Variants in CAMK2B observed in about 807,000 individuals in gnomAD.
CAMK2B encodes the protein calcium/calmodulin-dependent protein kinase type II subunit beta.
Under a neutral mutation model 93.7 loss-of-function variants are expected in CAMK2B, and 27 were observed. That is an observed-to-expected ratio of 0.29 (90% CI 0.21 to 0.40). The LOEUF (loss-of-function observed/expected upper bound fraction) is 0.40. Ranked by LOEUF, CAMK2B falls within the 10% of genes least tolerant of loss-of-function variation. CAMK2B has a pLI of 1.00. For synonymous variants in CAMK2B, 374 were observed against 358.8 expected (o/e 1.04, Z -0.48); for missense variants, 568 against 895.8 (o/e 0.63, Z 4.67).
chr7:44,298,848 G>T (rs144776916), intron 1 of CAMK2B, among the ~76,000 whole-genome samples: 1,555 of 151,770 alleles, frequency 0.01, 18 homozygotes, highest in Middle Eastern at 0.02. Context: ...CATCCATTAA[G>T]ATGACTATTA....
intron 5 of CAMK2B, among the ~76,000 whole-genome samples, chr7:44,252,662 C>T (rs2096791339): frequency 6.6e-6 from 1 of 152,116 alleles, no homozygotes. Flanking sequence ...CATCTGTCCA[C>T]CCCTCAGGGC....
At chr7:44,228,669 G>T in intron 19 of CAMK2B, 127 bp downstream of exon 19, 1 of 875,528 alleles carries the variant, frequency 1.1e-6, no homozygotes, top group Non-Finnish European at 1.6e-6. Context: ...GCCAGGGCAG[G>T]ACTCCAGGCT....
chr7:44,226,021 G>T, intron 20 of CAMK2B: 1 of 850,154 alleles, frequency 1.2e-6, no homozygotes, highest in Non-Finnish European at 1.6e-6. Context: ...GGCCCCAGCT[G>T]CCCCCCAGAT....
chr7:44,240,582 G>A lies in CAMK2B; in HGVS notation c.946+125C>T. On this transcript the variant is annotated intron_variant, in intron 12 of 23. Coordinates refer to ENST00000395749, the MANE Select transcript of CAMK2B (RefSeq NM_001220.5). ...GTGGGCAGTGGGTCTCAGAGCTGAGGGCAGACGCCGAGGGCAGGCCTGCCG... is the reference window on the plus strand; with the variant it reads ...GTGGGCAGTGGGTCTCAGAGCTGAGAGCAGACGCCGAGGGCAGGCCTGCCG... 3 of 1,082,636 alleles carry A rather than the reference G, an allele frequency of 2.8e-6. No individual in the cohort carries two copies. The East Asian group carries it at 7.6e-5, about 27-fold the overall frequency. The allele number at this position is 1,082,636 out of a possible 1,614,324, so 67.1% of individuals were successfully genotyped here. A position where few individuals can be genotyped will look rare whatever the true frequency, so the allele number is the denominator to read the frequency against.
chr7:44,302,831 C>T (rs1277807544), intron 1 of CAMK2B, among the ~76,000 whole-genome samples: 1 of 152,148 alleles, frequency 6.6e-6, no homozygotes, highest in Non-Finnish European at 1.5e-5. Context: ...TGGATACTTT[C>T]CACTAAGATC....
chr7:44,228,874 G>A lies in CAMK2B; in HGVS notation c.1390C>T (p.Pro464Ser), dbSNP rs753741079. 1 of 1,579,612 alleles carries A rather than the reference G, an allele frequency of 6.3e-7. No homozygotes were observed. Among genetic ancestry groups the A allele is most frequent in the South Asian group, 1.1e-5 (1 of 87,836 alleles). ...LNSVRRGSGT[P>S]EAEGPLSAGP... ...GCTGAGAGGGGGCCCTCGGCTTCTG[G>A]GGTTCCTGAACCCCTTCTCACAGAG... The change falls in exon 19 of 24, where the codon CCA becomes TCA. Residue 464 changes from proline to serine, a missense_variant. Pro to Ser is a moderately conservative substitution (Grantham distance 74, BLOSUM62 -1). Transcript: ENST00000395749.
chr7:44,277,047 C>T (rs1320229555), intron 2 of CAMK2B, among the ~76,000 whole-genome samples: 1 of 152,152 alleles, frequency 6.6e-6, no homozygotes, highest in Non-Finnish European at 1.5e-5. Flanking sequence ...CCAGGGTCAC[C>T]CCGCTGCACT....
chr7:44,291,292 C>T (rs114777532), intron 1 of CAMK2B, among the ~76,000 whole-genome samples: 1,589 of 152,184 alleles, frequency 0.01, 35 homozygotes, highest in African/African-American at 0.036. Context: ...GCAGGTGCCC[C>T]GCCAGGCAGG....
In CAMK2B at chr7:44,225,659, A is replaced by G; in HGVS notation, c.1597+857T>C. ...CTCGAGCCGCTGCTCCTGTGGGTTC[A>G]CTCTCCCCACACCCTTCTGCCCTGG... is the stretch of plus-strand genomic sequence containing the variant. On this transcript the variant is annotated intron_variant, in intron 20 of 23. Transcript: ENST00000395749. This position sits in a 1 kb window ranked among gnomAD's most constrained non-coding sequence, Gnocchi z 5.0. 9.1e-7 allele frequency: 1 copy of G among 1,099,088 alleles called. No homozygotes were observed. The highest frequency in any genetic ancestry group is 1.2e-6 in the Non-Finnish European group (1 of 820,386). 68.1% of individuals were successfully genotyped at this position (1,099,088 alleles called of 1,614,324 possible). A position where few individuals can be genotyped will look rare whatever the true frequency, so the allele number is the denominator to read the frequency against.
intron 1 of CAMK2B, among the ~76,000 whole-genome samples, chr7:44,305,777 T>C (rs954209382): frequency 6.6e-6 from 1 of 152,334 alleles, no homozygotes; most frequent in African/African-American, 2.4e-5. Context: ...TCGGTCACGC[T>C]GGCTGGGCCA....
At position 44,308,874 on chromosome 7, in the gene CAMK2B, C is replaced by T. The variant is rs540269690; in HGVS notation, c.65+16483G>A. On this transcript the variant is annotated intron_variant, in intron 1 of 23. Transcript: ENST00000395749. The stretch of plus-strand genomic sequence containing the variant: ...AGGGGCTGAGCAGACCATCCCTCCC[C>T]GGGGCCTCTGTCCATGGCCAGCCTG... 4.0e-4 allele frequency among the ~76,000 whole-genome samples: 61 copies of T among 152,302 alleles called. 2 individuals are homozygous for T. The highest frequency in any genetic ancestry group is 1.4e-3 in the African/African-American group (57 of 41,576).
intron 20 of CAMK2B, 175 bp from the exon 21 acceptor site, chr7:44,221,076 C>G (rs1008913369): frequency 1.7e-6 from 1 of 588,160 alleles, no homozygotes; most frequent in Non-Finnish European, 3.0e-6. Flanking sequence ...GTGGCTTCCT[C>G]ATTTTCAAGT....
At chr7:44,317,679 T>C (rs1363840564) in intron 1 of CAMK2B, among the ~76,000 whole-genome samples, 3 of 152,194 alleles carry the variant, frequency 2.0e-5, no homozygotes, top group Non-Finnish European at 4.4e-5. Context: ...AAATTTTTAA[T>C]CACACATATG....
At chr7:44,325,300 C>T (rs1554478149) in intron 1 of CAMK2B, 57 bp downstream of exon 1, 1 of 1,034,164 alleles carries the variant, frequency 9.7e-7, no homozygotes, top group South Asian at 2.7e-5. Flanking sequence ...CGGAGGGTCC[C>T]GGAGGTCCCG....
In CAMK2B at chr7:44,234,459, G is replaced by C; in HGVS notation, c.1062C>G (p.Pro354=). 6.4e-7 allele frequency: 1 copy of C among 1,569,672 alleles called. No individual in the cohort carries two copies. The highest frequency in any genetic ancestry group is 8.6e-7 in the Non-Finnish European group (1 of 1,160,534). The part of the protein sequence containing the change: ...LLNKKADGVK[P]QTNSTKNSAA... ...CACTGTTTTTGGTGCTATTCGTCTG[G>C]GGCTGTGGAGAGAGGGAAGAGGAAC... Residue 354 remains proline (P), a splice_region_variant and synonymous_variant, in exon 15 of 24, where the codon CCC becomes CCG. Coordinates refer to ENST00000395749, the MANE Select transcript of CAMK2B (RefSeq NM_001220.5).
At chr7:44,316,718 A>G (rs1160546049) in intron 1 of CAMK2B, among the ~76,000 whole-genome samples, 2 of 152,128 alleles carry the variant, frequency 1.3e-5, no homozygotes, top group African/African-American at 4.8e-5. Flanking sequence ...CAGATTTTCT[A>G]TTTCTTCTTG....
At chr7:44,268,062 A>G (rs886891148) in intron 2 of CAMK2B, 1 of 152,238 alleles carries the variant, frequency 6.6e-6, no homozygotes, top group African/African-American at 2.4e-5. Flanking sequence ...GCTGGGGGCC[A>G]CTGAAAGACA....
At chr7:44,238,291 C>T (rs1210262320) in intron 13 of CAMK2B, among the ~76,000 whole-genome samples, 25 of 152,230 alleles carry the variant, frequency 1.6e-4, no homozygotes, top group Admixed American at 1.6e-3. Flanking sequence ...GGGCCTCATG[C>T]ACCGTCGCCC....
At chr7:44,302,775 A>G (rs996223443) in intron 1 of CAMK2B, among the ~76,000 whole-genome samples, 1 of 152,182 alleles carries the variant, frequency 6.6e-6, no homozygotes. Context: ...TTTTTAAAAA[A>G]TCTAGAAAAG....
Sources: gnomAD v4.1 joint callset for allele counts (sites outside exome capture counted in the v4.1 genomes callset) on GRCh38, gnomAD v4.1.1 for gene constraint, Gnocchi (gnomAD v3.1) non-coding constraint, MANE v1.5 for transcripts, NCBI Gene and HGNC (gene_info 2026-07-23, HGNC 2026-07-21) for gene names.